MOSPD2: variants seen among roughly 807,000 people sequenced by gnomAD.
The protein encoded by MOSPD2 is motile sperm domain-containing protein 2.
In MOSPD2, 5 loss-of-function variants were observed where a neutral mutation model predicts 41.7. The observed-to-expected ratio is 0.12, with a 90% CI of 0.06 to 0.25. The LOEUF (loss-of-function observed/expected upper bound fraction) is 0.25, where lower values mean the gene tolerates loss of function less well. MOSPD2 is among the 10% of genes least tolerant of loss of function. The pLI is 1.00. For synonymous variants in MOSPD2, 115 were observed against 126.9 expected (o/e 0.91, Z 0.63); for missense variants, 282 against 375.2 (o/e 0.75, Z 2.05).
intron 4 of MOSPD2, among the ~76,000 whole-genome samples, chrX:14,895,801 T>C (rs1190511229): frequency 1.8e-5 from 2 of 111,008 alleles, no homozygotes; most frequent in Non-Finnish European, 3.8e-5. Flanking sequence ...TTTTCTGAAA[T>C]GTGTATTATA....
At chrX:14,877,750 G>C (rs1243970175) in intron 2 of MOSPD2, among the ~76,000 whole-genome samples, 2 of 106,857 alleles carry the variant, frequency 1.9e-5, no homozygotes, top group East Asian at 5.9e-4. Context: ...GAGGCGGGTG[G>C]ATTATGAGGT....
At chrX:14,884,346 G>A (rs1021384329) in intron 2 of MOSPD2, among the ~76,000 whole-genome samples, 11 of 111,333 alleles carry the variant, frequency 9.9e-5, no homozygotes, top group African/African-American at 3.6e-4. Flanking sequence ...AGAAATGGAG[G>A]TAAAGTATTA....
intron 9 of MOSPD2, among the ~76,000 whole-genome samples, chrX:14,911,666 T>C (rs1285513773): frequency 1.8e-5 from 2 of 112,002 alleles, no homozygotes; most frequent in Admixed American, 1.9e-4. Flanking sequence ...GGTGGAAGGA[T>C]CGCTTGAGCA....
intron 13 of MOSPD2, among the ~76,000 whole-genome samples, chrX:14,917,904 A>T (rs763809046): frequency 8.9e-6 from 1 of 112,005 alleles, no homozygotes; most frequent in South Asian, 3.7e-4. Context: ...GATTATGAAC[A>T]GTGAAATTCC....
intron 2 of MOSPD2, among the ~76,000 whole-genome samples, chrX:14,889,458 C>T (rs1240432026): frequency 9.0e-6 from 1 of 110,901 alleles, no homozygotes; most frequent in Non-Finnish European, 1.9e-5. Flanking sequence ...GTTTCTTTCT[C>T]TGCCTCTTTT....
intron 2 of MOSPD2, 135 bp downstream of exon 2, chrX:14,873,893 C>G: frequency 1.8e-6 from 1 of 551,988 alleles, no homozygotes; most frequent in Non-Finnish European, 3.2e-6. Context: ...GGGCACGTCT[C>G]AAAGGTTTTC....
chrX:14,885,663 C>T (rs939581340), intron 2 of MOSPD2, among the ~76,000 whole-genome samples: 17 of 110,787 alleles, frequency 1.5e-4, no homozygotes, highest in African/African-American at 5.6e-4. Flanking sequence ...ATGATAACAA[C>T]ACAAAATCCT....
chrX:14,907,215 T>C (rs925860964), intron 7 of MOSPD2, among the ~76,000 whole-genome samples: 1 of 111,840 alleles, frequency 8.9e-6, no homozygotes, highest in African/African-American at 3.2e-5. Context: ...AAAGACATAA[T>C]AACAGGTATT....
At chrX:14,902,940 T>C (rs746671392) in intron 6 of MOSPD2, 26 bp from the exon 7 acceptor site, 4 of 1,106,993 alleles carry the variant, frequency 3.6e-6, no homozygotes, top group Non-Finnish European at 5.0e-6. Flanking sequence ...TGATTCACAT[T>C]CAATGAATTT....
rs2092606597 is a variant in MOSPD2, at chrX:14,919,900, T to C, written c.*91T>C. 2 of 1,112,795 alleles carry C rather than the reference T, an allele frequency of 1.8e-6. No homozygotes were observed. The highest frequency in any genetic ancestry group is 4.9e-5 in the South Asian group (2 of 40,875). 91.7% of individuals were successfully genotyped at this position (1,112,795 alleles called of 1,213,427 possible). Reference sequence around the variant, plus strand: ...AACTCTACCAAGCTACTAAAAACATTGCACATCTGTGCTTCCTAAAAGGAA... The same window carrying C: ...AACTCTACCAAGCTACTAAAAACATCGCACATCTGTGCTTCCTAAAAGGAA... On this transcript the variant is annotated 3_prime_UTR_variant, in exon 15 of 15. Transcript: ENST00000380492.
chrX:14,875,696 A>G lies in MOSPD2; in HGVS notation c.79+1938A>G, dbSNP rs200326222. Among the ~76,000 whole-genome samples, 9 of 111,793 alleles carry G rather than the reference A, an allele frequency of 8.1e-5. No homozygotes were observed. In the East Asian group the frequency reaches 1.4e-3, roughly 17 times the overall value. On this transcript the variant is annotated intron_variant, in intron 2 of 14. Transcript: ENST00000380492. ...CCTCAAACAGAATGGGGCTGTTTCAATTTCGGACTTTTCCACTTCTCTTTG... is the reference window on the plus strand; with the variant it reads ...CCTCAAACAGAATGGGGCTGTTTCAGTTTCGGACTTTTCCACTTCTCTTTG...
intron 7 of MOSPD2, among the ~76,000 whole-genome samples, chrX:14,908,049 TTTAA>T (rs1161314260): frequency 8.9e-6 from 1 of 112,236 alleles, no homozygotes; most frequent in Non-Finnish European, 1.9e-5. Context: ...TTTCTGTTTT[TTTAA>T]TTGACAGTTT....
intron 10 of MOSPD2, 37 bp downstream of exon 10, chrX:14,912,398 A>G (rs1224602679): frequency 1.1e-6 from 1 of 911,813 alleles, no homozygotes. Flanking sequence ...TAATTTTATA[A>G]CATATCTTGA....
At chrX:14,900,331 T>C (rs2092570930) in intron 5 of MOSPD2, among the ~76,000 whole-genome samples, 1 of 111,911 alleles carries the variant, frequency 8.9e-6, no homozygotes, top group Non-Finnish European at 1.9e-5. Context: ...TTTGAGGTAA[T>C]GTGAATAATT....
At chrX:14,912,920 C>G (rs947301293) in intron 10 of MOSPD2, among the ~76,000 whole-genome samples, 1 of 112,089 alleles carries the variant, frequency 8.9e-6, no homozygotes, top group African/African-American at 3.2e-5. Flanking sequence ...GCTACACCAA[C>G]TTTATGATCT....
Position 14,897,168 on chromosome X carries a change from A to T in MOSPD2, c.407A>T (p.Tyr136Phe), listed in dbSNP as rs754359723. 4 of 1,207,665 alleles carry T rather than the reference A, an allele frequency of 3.3e-6. No homozygotes were observed. Among genetic ancestry groups the T allele is most frequent in the Non-Finnish European group, 4.5e-6 (4 of 893,350 alleles). Reference protein sequence around the residue: ...KKLIAFWLERYAKRENGKPVT... With the variant: ...KKLIAFWLERFAKRENGKPVT... ...CTCATAGCATTCTGGTTGGAACGTT[A>T]TGCTAAGAGGGAAAATGGGAAACCT... Residue 136 changes from tyrosine (Y) to phenylalanine (F), a missense_variant, in exon 5 of 15, where the codon TAT becomes TTT. By Grantham distance (22) the Tyr-to-Phe change is conservative. Transcript: ENST00000380492.
In MOSPD2 at chrX:14,916,082, C is replaced by G. The variant is rs780660410; in HGVS notation, c.1187-115C>G. On this transcript the variant is annotated intron_variant, in intron 12 of 14. Coordinates refer to ENST00000380492, the MANE Select transcript of MOSPD2 (RefSeq NM_152581.4). ...AACTTTTTCCTTTTTAAAGACATTT[C>G]CATTTTCTTCTTTTTCCTTAATGTT... 61 of 1,092,743 alleles carry G rather than the reference C, an allele frequency of 5.6e-5. No individual in the cohort carries two copies. In the Admixed American group the frequency reaches 1.5e-3, roughly 27 times the overall value. The allele number at this position is 1,092,743 out of a possible 1,213,427, so 90.1% of individuals were successfully genotyped here. A position where few individuals can be genotyped will look rare whatever the true frequency, so the allele number is the denominator to read the frequency against.
intron 2 of MOSPD2, chrX:14,873,986 GA>G (rs2092513782): frequency 4.9e-6 from 2 of 409,774 alleles, no homozygotes; most frequent in Non-Finnish European, 8.5e-6. Flanking sequence ...ATGTAAGTTG[GA>G]AATCGGTTAA....
chrX:14,915,622 C>T, intron 11 of MOSPD2, 46 bp from the exon 12 acceptor site: 1 of 953,873 alleles, frequency 1.0e-6, no homozygotes, highest in Non-Finnish European at 1.4e-6. Context: ...CATTTCCCCC[C>T]AAAAAAGCAT....
Sources: gnomAD v4.1 joint callset for allele counts (sites outside exome capture counted in the v4.1 genomes callset) on GRCh38, gnomAD v4.1.1 for gene constraint, MANE v1.5 for transcripts, NCBI Gene and HGNC (gene_info 2026-07-23, HGNC 2026-07-21) for gene names.